The following SHANK2 variants were observed in gnomAD, a reference collection of about 807,000 sequenced individuals.
SHANK2 encodes SH3 and multiple ankyrin repeat domains 2, also known as SH3 and multiple ankyrin repeat domains protein 2.
In SHANK2, 43 loss-of-function variants were observed where a neutral mutation model predicts 133.7. That is an observed-to-expected ratio of 0.32 (90% CI 0.25 to 0.41). The LOEUF is 0.41. Ranked by LOEUF, SHANK2 falls within the 10% of genes least tolerant of loss-of-function variation. The pLI is 1.00. For synonymous variants in SHANK2, 1,017 were observed against 952.8 expected (o/e 1.07, Z -1.24); for missense variants, 1,994 against 2,235.8 (o/e 0.89, Z 2.18).
intron 3 of SHANK2, among the ~76,000 whole-genome samples, chr11:71,131,493 T>C (rs1252673506): frequency 1.3e-5 from 2 of 152,208 alleles, no homozygotes; most frequent in Admixed American, 1.3e-4. Context: ...AGCCGCTGGA[T>C]GCTGTGGCGA....
intron 17 of SHANK2, among the ~76,000 whole-genome samples, chr11:70,584,051 C>G (rs1392435931): frequency 5.3e-5 from 8 of 152,200 alleles, no homozygotes; most frequent in African/African-American, 1.9e-4. Context: ...GTCTCATCCC[C>G]GGCCGACCCC....
At chr11:70,723,295 G>T (rs1354311141) in intron 14 of SHANK2, among the ~76,000 whole-genome samples, 2 of 81,578 alleles carry the variant, frequency 2.5e-5, no homozygotes, top group African/African-American at 1.3e-4. Flanking sequence ...TTGCTGGAGG[G>T]TCTGTCTCTC....
intron 17 of SHANK2, among the ~76,000 whole-genome samples, chr11:70,534,349 C>T (rs184076311): frequency 1.5e-3 from 236 of 152,332 alleles, no homozygotes; most frequent in African/African-American, 5.3e-3. Flanking sequence ...ATCATGAGAA[C>T]AGCATGAAGG....
At position 70,692,186 on chromosome 11, in the gene SHANK2, A is replaced by C. The variant is rs147007334; in HGVS notation, c.1853+6502T>G. Among the ~76,000 whole-genome samples the C allele has an allele frequency of 2.0e-5, 3 of 152,302 alleles. 1 individual carries two copies. In the East Asian group the frequency reaches 5.8e-4, roughly 29 times the overall value. The stretch of plus-strand genomic sequence containing the variant: ...TGGCGGAGGAAGAATGAGGGAAATC[A>C]ATGTTTCTTGCCATTCAGTTCTTAC... On this transcript the variant is annotated intron_variant, in intron 15 of 25. Coordinates refer to ENST00000601538, the MANE Select transcript of SHANK2 (RefSeq NM_012309.5).
chr11:70,737,082 A>C (rs1158563822), intron 14 of SHANK2, among the ~76,000 whole-genome samples: 2 of 152,122 alleles, frequency 1.3e-5, no homozygotes, highest in Non-Finnish European at 2.9e-5. Context: ...TTTCTGAGCC[A>C]AAGTCCCGAG....
At chr11:70,597,268 G>A (rs750655175) in intron 17 of SHANK2, among the ~76,000 whole-genome samples, 1 of 152,014 alleles carries the variant, frequency 6.6e-6, no homozygotes, top group African/African-American at 2.4e-5. Flanking sequence ...ACTGCCCCCC[G>A]CCTTTGAGCT....
intron 14 of SHANK2, among the ~76,000 whole-genome samples, chr11:70,767,051 G>A (rs940304846): frequency 1.3e-5 from 2 of 152,224 alleles, no homozygotes; most frequent in Non-Finnish European, 2.9e-5. Context: ...CATCAGACAG[G>A]GTCCCTGCCC....
At chr11:71,170,701 G>A (rs1953296633) in intron 2 of SHANK2, among the ~76,000 whole-genome samples, 1 of 152,200 alleles carries the variant, frequency 6.6e-6, no homozygotes, top group Admixed American at 6.5e-5. Context: ...GCCTGTTCCC[G>A]ACCTCCAAGG....
At chr11:70,529,013 G>T (rs2059435178) in intron 17 of SHANK2, among the ~76,000 whole-genome samples, 1 of 152,148 alleles carries the variant, frequency 6.6e-6, no homozygotes, top group Non-Finnish European at 1.5e-5. Context: ...GTGATGATGG[G>T]GGCAGATCAT....
chr11:70,845,971 T>C (rs7941869), intron 11 of SHANK2, among the ~76,000 whole-genome samples: 38,892 of 151,976 alleles, frequency 0.26, 5,932 homozygotes, highest in East Asian at 0.42. Context: ...GTTCCCCGTC[T>C]CCCGACACTG....
chr11:70,743,124 C>T (rs1461780726), intron 14 of SHANK2, among the ~76,000 whole-genome samples: 1 of 152,174 alleles, frequency 6.6e-6, no homozygotes, highest in Non-Finnish European at 1.5e-5. Flanking sequence ...GACACAAAGG[C>T]ACAGGGCGGG....
chr11:71,092,274 T>C (rs1288302106), intron 8 of SHANK2, 148 bp downstream of exon 8: 3 of 740,320 alleles, frequency 4.1e-6, no homozygotes, highest in African/African-American at 3.5e-5. Context: ...CATTTTTAAT[T>C]CACATATTTT....
At chr11:71,185,350 C>T (rs949032694) in intron 2 of SHANK2, among the ~76,000 whole-genome samples, 4 of 152,228 alleles carry the variant, frequency 2.6e-5, no homozygotes, top group African/African-American at 9.6e-5. Flanking sequence ...CTACCTTCAC[C>T]TCCTTCTGGT....
At chr11:70,663,267 C>T (rs904761884) in intron 15 of SHANK2, among the ~76,000 whole-genome samples, 3 of 152,182 alleles carry the variant, frequency 2.0e-5, no homozygotes, top group Non-Finnish European at 4.4e-5. Flanking sequence ...TCACGGTCTA[C>T]AGGAAGCACA....
chr11:71,190,461 T>C (rs1176251008), intron 2 of SHANK2, among the ~76,000 whole-genome samples: 1 of 152,080 alleles, frequency 6.6e-6, no homozygotes, highest in Non-Finnish European at 1.5e-5. Context: ...ACCCCTGCAA[T>C]GGGAGAAAGG....
rs1555082358 is a variant in SHANK2 at position 70,930,690 on chromosome 11, G to A, written c.1108-34123C>T. Among the ~76,000 whole-genome samples the A allele has an allele frequency of 4.7e-5, 5 of 106,316 alleles. No individual in the cohort carries two copies. In the South Asian group the frequency reaches 9.5e-4, roughly 20 times the overall value. 69.7% of individuals were successfully genotyped at this position (106,316 alleles called of 152,430 possible). ...TTTTTCTTTTTTTTTTTGAGACAAT[G>A]TCTCACTCAGTTTCCCAGGCTGGAG... On this transcript the variant is annotated intron_variant, in intron 10 of 25. Transcript: ENST00000601538.
At chr11:71,196,280 G>GT (rs1263151426) in intron 2 of SHANK2, among the ~76,000 whole-genome samples, 4 of 152,004 alleles carry the variant, frequency 2.6e-5, no homozygotes, top group African/African-American at 9.7e-5. Context: ...CCCACCTCTG[G>GT]TTTTTTGTTT....
intron 17 of SHANK2, among the ~76,000 whole-genome samples, chr11:70,531,234 A>C (rs138028143): frequency 1.9e-4 from 29 of 152,258 alleles, no homozygotes; most frequent in African/African-American, 6.3e-4. Flanking sequence ...ATTTAAAATA[A>C]TAACTTTTTA....
rs550685242 is a variant in SHANK2 at position 70,876,316 on chromosome 11, C to T, written c.1174+20185G>A. Among the ~76,000 whole-genome samples, 4 of 146,280 alleles carry T rather than the reference C, an allele frequency of 2.7e-5. No individual in the cohort carries two copies. The South Asian group carries it at 6.6e-4, about 24-fold the overall frequency. The stretch of plus-strand genomic sequence containing the variant: ...GTGGCTCACGCCTGTAATCCCAGCA[C>T]TTTGGGAGGCCGAGGCGGGCAGATC... On this transcript the variant is annotated intron_variant, in intron 11 of 25. Coordinates refer to ENST00000601538, the MANE Select transcript of SHANK2 (RefSeq NM_012309.5).
Sources: gnomAD v4.1 joint callset for allele counts (sites outside exome capture counted in the v4.1 genomes callset) on GRCh38, gnomAD v4.1.1 for gene constraint, MANE v1.5 for transcripts, NCBI Gene and HGNC (gene_info 2026-07-23, HGNC 2026-07-21) for gene names.